The following GABRG3 variants were observed in gnomAD, a reference collection of about 807,000 sequenced individuals.
The protein encoded by GABRG3 is gamma-aminobutyric acid type A receptor subunit gamma3.
GABRG3 carries 25 observed loss-of-function variants against 48.8 expected under a neutral mutation model. That is an observed-to-expected ratio of 0.51 (90% confidence interval 0.37 to 0.72). The LOEUF is 0.72. Among genes scored for constraint, GABRG3 ranks in the 30% least tolerant of loss-of-function variants. GABRG3 has a pLI of 0.00. For missense variants in GABRG3, 394 were observed against 577.9 expected (o/e 0.68, Z 3.26); for synonymous variants, 227 against 217.6 (o/e 1.04, Z -0.38).
At chr15:27,097,533 T>C (rs575502205) in intron 3 of GABRG3, among the ~76,000 whole-genome samples, 1 of 152,266 alleles carries the variant, frequency 6.6e-6, no homozygotes, top group East Asian at 1.9e-4. Context: ...TTGTCTCTCC[T>C]TCCTTTTTCC....
At chr15:27,432,681 G>A (rs1888492279) in intron 5 of GABRG3, among the ~76,000 whole-genome samples, 1 of 152,222 alleles carries the variant, frequency 6.6e-6, no homozygotes. Flanking sequence ...CAATCTGGAT[G>A]TGCTGAAAAT....
chr15:27,308,129 A>G (rs1318527008), intron 3 of GABRG3, among the ~76,000 whole-genome samples: 1 of 127,474 alleles, frequency 7.8e-6, no homozygotes, highest in Non-Finnish European at 1.7e-5. Context: ...AACATATATA[A>G]ACATATATGT....
At chr15:27,287,824 C>T (rs959721354) in intron 3 of GABRG3, among the ~76,000 whole-genome samples, 1 of 150,852 alleles carries the variant, frequency 6.6e-6, no homozygotes, top group South Asian at 2.1e-4. Flanking sequence ...CTGCAAGCTC[C>T]GCCTCCTGGG....
intron 2 of GABRG3, among the ~76,000 whole-genome samples, chr15:26,981,214 G>C (rs1045143249): frequency 3.9e-5 from 6 of 152,210 alleles, no homozygotes; most frequent in African/African-American, 4.8e-5. Flanking sequence ...TTTTGAAATG[G>C]AATTGTTTCC....
At chr15:27,150,365 T>C (rs1898288037) in intron 3 of GABRG3, among the ~76,000 whole-genome samples, 1 of 152,220 alleles carries the variant, frequency 6.6e-6, no homozygotes, top group South Asian at 2.1e-4. Flanking sequence ...CAAGTATTAC[T>C]TTAGAATTAA....
chr15:27,201,319 C>T lies in GABRG3; in HGVS notation c.271-125490C>T, dbSNP rs553093098. Among the ~76,000 whole-genome samples, 3 of 150,634 alleles carry T rather than the reference C, an allele frequency of 2.0e-5. No individual in the cohort carries two copies. The South Asian group carries it at 6.4e-4, about 32-fold the overall frequency. On this transcript the variant is annotated intron_variant, in intron 3 of 9. Transcript: ENST00000615808. ...GGAGGTTGGTGGACAGAGCTCAACA[C>T]CCGATGCCAGTGGGGCATGGGGAGT...
chr15:27,524,895 G>A (rs375659948), intron 7 of GABRG3, among the ~76,000 whole-genome samples: 100 of 152,108 alleles, frequency 6.6e-4, no homozygotes, highest in Middle Eastern at 3.4e-3. Context: ...TTGCTGGAAC[G>A]TACCAGTAAA....
At position 27,180,568 on chromosome 15, in the gene GABRG3, T is replaced by A. The variant is rs1025557598; in HGVS notation, c.271-146241T>A. Among the ~76,000 whole-genome samples the A allele has an allele frequency of 3.3e-5, 5 of 152,088 alleles. No homozygotes were observed. The highest frequency in any genetic ancestry group is 7.4e-5 in the Non-Finnish European group (5 of 68,014). ...TCAACTCATCGCTCTAACCATGTCATCCTGATTCACTCAACTTTACCCCAA... is the reference window on the plus strand; with the variant it reads ...TCAACTCATCGCTCTAACCATGTCAACCTGATTCACTCAACTTTACCCCAA... On this transcript the variant is annotated intron_variant, in intron 3 of 9. Coordinates refer to ENST00000615808, the MANE Select transcript of GABRG3 (RefSeq NM_033223.5). The surrounding 1 kb of genome is among the most constrained non-coding windows in gnomAD (Gnocchi z 4.2).
Position 27,190,432 on chromosome 15 carries a change from A to G in GABRG3, c.271-136377A>G, listed in dbSNP as rs1172574657. 3.3e-5 allele frequency among the ~76,000 whole-genome samples: 5 copies of G among 152,276 alleles called. No homozygotes were observed. The East Asian group carries it at 9.7e-4, about 29-fold the overall frequency. ...TGTTATTGGTCTATTCAGAGATTCA[A>G]CTTTTTCCTGGTTTAGTCTTGGGAG... On this transcript the variant is annotated intron_variant, in intron 3 of 9. Transcript: ENST00000615808.
intron 3 of GABRG3, among the ~76,000 whole-genome samples, chr15:27,174,584 GTCTCTCTCTCTCTC>G (rs150022606): frequency 2.1e-5 from 3 of 139,658 alleles, no homozygotes; most frequent in Non-Finnish European, 3.1e-5. Flanking sequence ...TCTCTCTCTC[GTCTCTCTCTCTCTC>G]TCTCTCTCTC....
chr15:27,305,673 A>G (rs1448155141), intron 3 of GABRG3, among the ~76,000 whole-genome samples: 1 of 112,656 alleles, frequency 8.9e-6, no homozygotes, highest in East Asian at 2.4e-4. Flanking sequence ...ATATAAACCT[A>G]TATGTTTATA....
At chr15:27,356,674 A>G (rs1227811410) in intron 5 of GABRG3, among the ~76,000 whole-genome samples, 1 of 152,256 alleles carries the variant, frequency 6.6e-6, no homozygotes, top group African/African-American at 2.4e-5. Context: ...ATGTTTATCA[A>G]ATTAGTAAAG....
intron 6 of GABRG3, chr15:27,481,169 T>C (rs1419886680): frequency 5.9e-6 from 6 of 1,022,544 alleles, no homozygotes; most frequent in Non-Finnish European, 5.9e-6. Context: ...TGGTGTGATA[T>C]GTCCTTTGAG....
chr15:27,439,822 G>A (rs1263302719), intron 5 of GABRG3, among the ~76,000 whole-genome samples: 1 of 152,206 alleles, frequency 6.6e-6, no homozygotes, highest in Non-Finnish European at 1.5e-5. Flanking sequence ...TGGGTTATTA[G>A]TCCAGGTGAT....
At chr15:27,195,938 G>A (rs967361153) in intron 3 of GABRG3, among the ~76,000 whole-genome samples, 4 of 147,684 alleles carry the variant, frequency 2.7e-5, no homozygotes, top group Admixed American at 2.0e-4. Context: ...CCCAGCCACC[G>A]CACCCAGCCA....
intron 6 of GABRG3, among the ~76,000 whole-genome samples, chr15:27,490,810 G>T (rs906861015): frequency 6.6e-6 from 1 of 152,156 alleles, no homozygotes; most frequent in African/African-American, 2.4e-5. Context: ...TTATCTTTTA[G>T]ACTCATTTGC....
At chr15:27,401,824 TA>T (rs1667691576) in intron 5 of GABRG3, among the ~76,000 whole-genome samples, 1 of 141,312 alleles carries the variant, frequency 7.1e-6, no homozygotes, top group South Asian at 2.4e-4. Context: ...ATTGACCAAA[TA>T]AAAATAAGCA....
At chr15:27,206,548 G>A (rs1483680777) in intron 3 of GABRG3, among the ~76,000 whole-genome samples, 1 of 152,166 alleles carries the variant, frequency 6.6e-6, no homozygotes. Context: ...GCAGTATTCT[G>A]TAGATGTCTT....
chr15:27,465,378 A>G (rs896045885), intron 5 of GABRG3, among the ~76,000 whole-genome samples: 3 of 152,120 alleles, frequency 2.0e-5, no homozygotes, highest in African/African-American at 7.2e-5. Context: ...ACCCCTTCCT[A>G]CCAGCTCAGC....
Sources: gnomAD v4.1 joint callset for allele counts (sites outside exome capture counted in the v4.1 genomes callset) on GRCh38, gnomAD v4.1.1 for gene constraint, Gnocchi (gnomAD v3.1) non-coding constraint, MANE v1.5 for transcripts, NCBI Gene and HGNC (gene_info 2026-07-23, HGNC 2026-07-21) for gene names.